RIMBP2: variants seen among roughly 807,000 people sequenced by gnomAD.
The protein encoded by RIMBP2 is RIMS-binding protein 2.
In RIMBP2, 48 loss-of-function variants were observed where a neutral mutation model predicts 118.6. The ratio of observed to expected loss-of-function variants is 0.40; its 90% CI spans 0.32 to 0.51. The LOEUF (loss-of-function observed/expected upper bound fraction) is 0.51, where lower values mean the gene tolerates loss of function less well. RIMBP2 is among the 20% of genes least tolerant of loss of function. The pLI is 0.41. For synonymous variants in RIMBP2, 762 were observed against 742.9 expected (o/e 1.03, Z -0.42); for missense variants, 1,551 against 1,768.3 (o/e 0.88, Z 2.20).
chr12:130,650,973 A>AAAAGAAAG (rs1555318469), intron 1 of RIMBP2, among the ~76,000 whole-genome samples: 1 of 143,216 alleles, frequency 7.0e-6, no homozygotes, highest in African/African-American at 2.5e-5. Context: ...AAAAAAAAAA[A>AAAAGAAAG]AAAGAAAGAA....
rs531713247 is a variant in RIMBP2, at chr12:130,544,928, T to C, written c.-216-27011A>G. On this transcript the variant is annotated intron_variant, in intron 2 of 22. Transcript: ENST00000690449. ...AGAGTGCGGGTGAGAGTGGAAACTG[T>C]AGCACAGTGCATCAGCTTCTAGCTC... Among the ~76,000 whole-genome samples the C allele has an allele frequency of 6.6e-5, 10 of 152,290 alleles. No homozygotes were observed. The South Asian group carries it at 2.1e-3, about 32-fold the overall frequency.
intron 3 of RIMBP2, among the ~76,000 whole-genome samples, chr12:130,510,702 C>T (rs1283152554): frequency 6.6e-6 from 1 of 152,182 alleles, no homozygotes; most frequent in African/African-American, 2.4e-5. Context: ...CTCCTGACCT[C>T]AAGTGATCTG....
intron 2 of RIMBP2, among the ~76,000 whole-genome samples, chr12:130,534,392 C>A (rs1593690745): frequency 6.6e-6 from 1 of 151,588 alleles, no homozygotes; most frequent in African/African-American, 2.4e-5. Context: ...GGTGGGAGGA[C>A]CACGAGGTCA....
rs187201984 is a variant in RIMBP2, at chr12:130,642,803, T to C, written c.-351-14347A>G. On this transcript the variant is annotated intron_variant, in intron 1 of 22. Transcript: ENST00000690449. ...GGGGATAAGAAAACTAGGCTACACA[T>C]TGAAGCTCACACCAGCAGGTCACAG... Among the ~76,000 whole-genome samples the C allele has an allele frequency of 1.6e-4, 25 of 152,264 alleles. No individual in the cohort carries two copies. In the East Asian group the frequency reaches 3.9e-3, roughly 24 times the overall value.
chr12:130,639,479 T>C (rs10848169), intron 1 of RIMBP2, among the ~76,000 whole-genome samples: 79,294 of 112,294 alleles, frequency 0.71, 27,338 homozygotes, highest in Middle Eastern at 0.81. Context: ...TAGAACAAGA[T>C]CCTGCCTCAA....
intron 2 of RIMBP2, among the ~76,000 whole-genome samples, chr12:130,552,879 G>A (rs375872579): frequency 6.6e-6 from 1 of 152,128 alleles, no homozygotes; most frequent in African/African-American, 2.4e-5. Flanking sequence ...GTCGCCGGGC[G>A]TGGTGGCTCA....
rs116529661 is a variant in RIMBP2 at position 130,511,026 on chromosome 12, A to G, written c.-126-4256T>C. 1.5e-3 allele frequency among the ~76,000 whole-genome samples: 223 copies of G among 152,302 alleles called. No homozygotes were observed. Among genetic ancestry groups the G allele is most frequent in the African/African-American group, 5.1e-3 (211 of 41,556 alleles). ...ATCCAAATTCCTAAAGTCTGTGAAT[A>G]TATCACTTTTTGTGGCAGAACGGAC... On this transcript the variant is annotated intron_variant, in intron 3 of 22. Coordinates refer to ENST00000690449, the MANE Select transcript of RIMBP2 (RefSeq NM_001393629.1). This position sits in a 1 kb window ranked among gnomAD's most constrained non-coding sequence, Gnocchi z 4.3.
Position 130,441,878 on chromosome 12 carries a change from C to T in RIMBP2, c.1474G>A (p.Ala492Thr). 6.2e-7 allele frequency: 1 copy of T among 1,613,798 alleles called. No individual in the cohort carries two copies. Among genetic ancestry groups the T allele is most frequent in the Non-Finnish European group, 8.5e-7 (1 of 1,180,038 alleles). ...LPLEQREKKE[A>T]FVEFSTLPAG... is the part of the protein sequence containing the mutation. ...GGCAACGTGGAGAACTCCACAAAGG[C>T]CTCCTTCTTCTCCCTTTGCTCCAGC... The change falls in exon 11 of 23, where the codon GCC becomes ACC. Residue 492 changes from alanine (A) to threonine (T), a missense_variant. Physicochemically the swap from Ala to Thr is moderately conservative, Grantham distance 58. Coordinates refer to ENST00000690449, the MANE Select transcript of RIMBP2 (RefSeq NM_001393629.1).
intron 1 of RIMBP2, among the ~76,000 whole-genome samples, chr12:130,690,746 CTG>C (rs2065273183): frequency 6.6e-6 from 1 of 152,168 alleles, no homozygotes. Flanking sequence ...GACAAAAGGT[CTG>C]AGATTTTTCT....
At position 130,450,171 on chromosome 12, in the gene RIMBP2, C is replaced by T. The variant is rs1281920294; in HGVS notation, c.581+29G>A. On this transcript the variant is annotated intron_variant, in intron 9 of 22. Transcript: ENST00000690449. This position sits in a 1 kb window ranked among gnomAD's most constrained non-coding sequence, Gnocchi z 4.8. ...ATCTCATCTGCCCCACTCACAGGGG[C>T]TCGGTGGACGCCGAGGGGCCGCACT... 2 of 1,515,110 alleles carry T rather than the reference C, an allele frequency of 1.3e-6. No individual in the cohort carries two copies. Among genetic ancestry groups the T allele is most frequent in the Non-Finnish European group, 1.8e-6 (2 of 1,100,780 alleles). The allele number at this position is 1,515,110 out of a possible 1,614,324, so 93.9% of individuals were successfully genotyped here. A position where few individuals can be genotyped will look rare whatever the true frequency, so the allele number is the denominator to read the frequency against.
At chr12:130,427,242 C>T (rs1199306583) in intron 15 of RIMBP2, 8 of 152,330 alleles carry the variant, frequency 5.3e-5, no homozygotes, top group African/African-American at 1.9e-4. Context: ...TGGGAAGCTT[C>T]GTCCCGGGGG....
intron 6 of RIMBP2, among the ~76,000 whole-genome samples, chr12:130,462,203 C>T (rs1363908759): frequency 6.6e-6 from 1 of 152,180 alleles, no homozygotes; most frequent in East Asian, 1.9e-4. Context: ...ACACACAGGA[C>T]GATCCCTCAC....
chr12:130,442,047 G>A lies in RIMBP2; in HGVS notation c.1305C>T (p.Tyr435=), dbSNP rs1170986320. The stretch of plus-strand genomic sequence containing the variant: ...CCTCGTTGAGGAAGATGACGTGGCT[G>A]TAGTTGCTGTTGGTGGGTAGCCAGG... The part of the protein sequence containing the change: ...QLSWLPTNSN[Y]SHVIFLNEEE... The change falls in exon 11 of 23, where the codon TAC becomes TAT. Residue 435 remains tyrosine, a synonymous_variant. Transcript: ENST00000690449. The surrounding 1 kb of genome is among the most constrained non-coding windows in gnomAD (Gnocchi z 6.9). 17 of 1,614,188 alleles carry A rather than the reference G, an allele frequency of 1.1e-5. No homozygotes were observed. The South Asian group carries it at 1.9e-4, about 18-fold the overall frequency.
chr12:130,428,556 G>A (rs1447437178), intron 14 of RIMBP2: 4 of 418,088 alleles, frequency 9.6e-6, no homozygotes, highest in South Asian at 6.8e-5. Context: ...ATCAGCGCAG[G>A]TCTCTCAGCT....
At chr12:130,573,696 C>A (rs546043971) in intron 2 of RIMBP2, among the ~76,000 whole-genome samples, 224 of 152,156 alleles carry the variant, frequency 1.5e-3, no homozygotes, top group Non-Finnish European at 2.5e-3. Context: ...TAGCCAAGGA[C>A]ATGGGTGCAG....
intron 2 of RIMBP2, among the ~76,000 whole-genome samples, chr12:130,555,481 A>T (rs940390788): frequency 1.1e-4 from 16 of 152,326 alleles, no homozygotes; most frequent in African/African-American, 3.8e-4. Context: ...CTCAAGCACC[A>T]TAAATGCAAG....
In RIMBP2 at chr12:130,449,937, C is replaced by A. The variant is rs1435958626; in HGVS notation, c.581+263G>T. On this transcript the variant is annotated intron_variant, in intron 9 of 22. Coordinates refer to ENST00000690449, the MANE Select transcript of RIMBP2 (RefSeq NM_001393629.1). ...CTGCCGATACCCCCATCTCAAACTT[C>A]TGCCTCCAGGGTTGGGAGAGGAGAA... Among the ~76,000 whole-genome samples the A allele has an allele frequency of 2.0e-5, 3 of 152,128 alleles. No homozygotes were observed. The East Asian group carries it at 5.8e-4, about 30-fold the overall frequency.
At chr12:130,605,088 TG>T (rs2060106603) in intron 2 of RIMBP2, among the ~76,000 whole-genome samples, 1 of 152,046 alleles carries the variant, frequency 6.6e-6, no homozygotes, top group Non-Finnish European at 1.5e-5. Context: ...TGTGTGCAAG[TG>T]CACTGCAGGG....
chr12:130,599,325 TA>T (rs1307953937), intron 2 of RIMBP2, among the ~76,000 whole-genome samples: 2 of 152,140 alleles, frequency 1.3e-5, no homozygotes, highest in African/African-American at 4.8e-5. Flanking sequence ...AGAATGACAA[TA>T]AAAGCAACAT....
Sources: gnomAD v4.1 joint callset for allele counts (sites outside exome capture counted in the v4.1 genomes callset) on GRCh38, gnomAD v4.1.1 for gene constraint, Gnocchi (gnomAD v3.1) non-coding constraint, MANE v1.5 for transcripts, NCBI Gene and HGNC (gene_info 2026-07-23, HGNC 2026-07-21) for gene names.